Variants in ARHGEF10L observed in about 807,000 individuals in gnomAD.
ARHGEF10L encodes the protein Rho guanine nucleotide exchange factor 10 like.
Under a neutral mutation model 141.2 loss-of-function variants are expected in ARHGEF10L, and 69 were observed. The ratio of observed to expected loss-of-function variants is 0.49; its 90% CI spans 0.40 to 0.60. The LOEUF (loss-of-function observed/expected upper bound fraction) is 0.60, where lower values mean the gene tolerates loss of function less well. Among genes scored for constraint, ARHGEF10L ranks in the 20% least tolerant of loss-of-function variants. ARHGEF10L has a pLI of 0.00. For missense variants in ARHGEF10L, 1,482 were observed against 1,734.3 expected (o/e 0.85, Z 2.58); for synonymous variants, 711 against 718.5 (o/e 0.99, Z 0.17).
chr1:17,559,685 T>C (rs2077472939), intron 1 of ARHGEF10L, among the ~76,000 whole-genome samples: 1 of 152,200 alleles, frequency 6.6e-6, no homozygotes, highest in African/African-American at 2.4e-5. Context: ...CCTGGCCTTT[T>C]CCCTTAGTTG....
intron 26 of ARHGEF10L, among the ~76,000 whole-genome samples, chr1:17,675,838 TCAGGTGTGGGTGCAGGTGTGGGTA>T (rs1257582668): frequency 1.2e-3 from 75 of 62,686 alleles, no homozygotes; most frequent in African/African-American, 4.5e-3. Flanking sequence ...AGGTGTGTGT[TCAGGTGTGGGTGCAGGTGTGGGTA>T]CAGGTGTGGG....
At chr1:17,557,967 C>T (rs942872474) in intron 1 of ARHGEF10L, among the ~76,000 whole-genome samples, 2 of 152,136 alleles carry the variant, frequency 1.3e-5, no homozygotes, top group Non-Finnish European at 2.9e-5. Context: ...GTCCTCTGAC[C>T]ACTACTTACA....
chr1:17,679,650 T>C (rs2063962704), intron 26 of ARHGEF10L, among the ~76,000 whole-genome samples: 1 of 151,988 alleles, frequency 6.6e-6, no homozygotes. Context: ...GGGAAGGGAG[T>C]TGTGCTAATT....
chr1:17,535,991 C>A (rs1321408377), upstream of ARHGEF10L, among the ~76,000 whole-genome samples: 7 of 152,220 alleles, frequency 4.6e-5, no homozygotes, highest in Admixed American at 4.6e-4. Flanking sequence ...CCAGGGAATG[C>A]AGGCTGCAGG....
At chr1:17,568,948 C>T (rs997192412) in intron 1 of ARHGEF10L, among the ~76,000 whole-genome samples, 4 of 152,178 alleles carry the variant, frequency 2.6e-5, no homozygotes, top group Admixed American at 1.3e-4. Context: ...AGCCCCAGTC[C>T]GCATCTTCTC....
intron 26 of ARHGEF10L, among the ~76,000 whole-genome samples, chr1:17,668,599 G>A (rs115548000): frequency 0.011 from 1,711 of 152,332 alleles, 15 homozygotes; most frequent in Non-Finnish European, 0.019. Context: ...TGCACACCTC[G>A]GGGGCATCAG....
At position 17,664,517 on chromosome 1, in the gene ARHGEF10L, G is replaced by A. The variant is rs377464353; in HGVS notation, c.2931G>A (p.Leu977=). 3 of 1,608,428 alleles carry A rather than the reference G, an allele frequency of 1.9e-6. No homozygotes were observed. The highest frequency in any genetic ancestry group is 1.3e-5 in the African/African-American group (1 of 74,886). The change falls in exon 26 of 29, where the codon CTG becomes CTA. Residue 977 remains leucine (L), a synonymous_variant. Coordinates refer to ENST00000361221, the MANE Select transcript of ARHGEF10L (RefSeq NM_018125.4). ...TGGGGCCCGGGCCTGTCCGCACCCTGTTGAGCCTGGAGGATGCCGTGTGGG... is the reference window on the plus strand; with the variant it reads ...TGGGGCCCGGGCCTGTCCGCACCCTATTGAGCCTGGAGGATGCCGTGTGGG... ...LTVGPGPVRT[L]LSLEDAVWAS...
rs897922320 is a variant in ARHGEF10L at position 17,619,403 on chromosome 1, C to T, written c.900C>T (p.Ala300=). Residue 300 remains alanine, a synonymous_variant, in exon 10 of 29, where the codon GCC becomes GCT. Transcript: ENST00000361221. The surrounding 1 kb of genome is among the most constrained non-coding windows in gnomAD (Gnocchi z 5.0). ...GCGTTTCGGACATCAAGCCCCCAGC[C>T]CCAGAGCTGGGCCCCATGCCAGAGG... ...EVSVSDIKPP[A]PELGPMPEGL... The T allele has an allele frequency of 1.2e-6, 2 of 1,612,328 alleles. No individual in the cohort carries two copies. The highest frequency in any genetic ancestry group is 1.7e-6 in the Non-Finnish European group (2 of 1,179,560).
chr1:17,605,142 C>T (rs758757220), intron 6 of ARHGEF10L, among the ~76,000 whole-genome samples: 8 of 152,164 alleles, frequency 5.3e-5, no homozygotes, highest in African/African-American at 9.7e-5. Flanking sequence ...TTATGCCTGC[C>T]GAGGGTCCCA....
chr1:17,626,624 G>C (rs748391631), intron 14 of ARHGEF10L, among the ~76,000 whole-genome samples: 8 of 152,182 alleles, frequency 5.3e-5, no homozygotes, highest in Non-Finnish European at 1.2e-4. Context: ...CAATTGATCA[G>C]TGATTGATCT....
At chr1:17,518,136 G>T in the ARHGEF10L span, among the ~76,000 whole-genome samples, 3 of 152,328 alleles carry the variant, frequency 2.0e-5, no homozygotes, top group African/African-American at 7.2e-5. Context: ...AATGGGTGTG[G>T]CTGTATTTCC....
chr1:17,636,934 C>G (rs1036454334), intron 18 of ARHGEF10L, among the ~76,000 whole-genome samples: 1 of 152,038 alleles, frequency 6.6e-6, no homozygotes, highest in Non-Finnish European at 1.5e-5. Flanking sequence ...CCTCCTGGAC[C>G]CTCCTGCTCT....
At chr1:17,651,331 G>A (rs1224752610) in intron 22 of ARHGEF10L, among the ~76,000 whole-genome samples, 1 of 152,212 alleles carries the variant, frequency 6.6e-6, no homozygotes, top group African/African-American at 2.4e-5. Flanking sequence ...TGCCAGATGG[G>A]GGGTTACCTG....
intron 1 of ARHGEF10L, among the ~76,000 whole-genome samples, chr1:17,542,403 T>A (rs1188024589): frequency 6.6e-6 from 1 of 152,198 alleles, no homozygotes; most frequent in South Asian, 2.1e-4. Context: ...GAGCTGTGAT[T>A]GTGCCACCGT....
intron 4 of ARHGEF10L, among the ~76,000 whole-genome samples, chr1:17,597,457 C>G (rs368968428): frequency 3.3e-5 from 5 of 152,140 alleles, no homozygotes; most frequent in African/African-American, 9.7e-5. Flanking sequence ...GGAGGGGCCC[C>G]CAGCCTCATT....
chr1:17,618,569 G>A, intron 9 of ARHGEF10L: 2 of 1,296,676 alleles, frequency 1.5e-6, no homozygotes, highest in Non-Finnish European at 2.0e-6. Flanking sequence ...CCTTGGGGTT[G>A]CTGCCGCTTC....
rs187704992 is a variant in ARHGEF10L at position 17,619,695 on chromosome 1, T to A, written c.942+250T>A. On this transcript the variant is annotated intron_variant, in intron 10 of 28. Coordinates refer to ENST00000361221, the MANE Select transcript of ARHGEF10L (RefSeq NM_018125.4). This position sits in a 1 kb window ranked among gnomAD's most constrained non-coding sequence, Gnocchi z 5.0. Reference sequence around the variant, plus strand: ...GTGGGCTCCCGGCATCTAGAACGCTTGCGTCCCCCAACTCCATGGCATGCA... The same window carrying A: ...GTGGGCTCCCGGCATCTAGAACGCTAGCGTCCCCCAACTCCATGGCATGCA... 3.9e-5 allele frequency among the ~76,000 whole-genome samples: 6 copies of A among 152,116 alleles called. No homozygotes were observed. The highest frequency in any genetic ancestry group is 7.2e-5 in the African/African-American group (3 of 41,414).
intron 8 of ARHGEF10L, 120 bp downstream of exon 8, chr1:17,613,294 G>A (rs2059642329): frequency 1.3e-6 from 1 of 799,132 alleles, no homozygotes; most frequent in Non-Finnish European, 2.1e-6. Context: ...TTGAGTCCCA[G>A]GGCTGTCCTG....
At chr1:17,571,434 A>G (rs1557721651) in intron 1 of ARHGEF10L, among the ~76,000 whole-genome samples, 2 of 151,702 alleles carry the variant, frequency 1.3e-5, no homozygotes, top group African/African-American at 4.8e-5. Context: ...GAGCATGGGC[A>G]CTCCTCGGGG....
Sources: allele counts gnomAD v4.1 joint callset (sites outside exome capture counted in the v4.1 genomes callset), GRCh38; gene constraint gnomAD v4.1.1; non-coding constraint Gnocchi (gnomAD v3.1); transcripts MANE v1.5; gene names NCBI Gene and HGNC (gene_info 2026-07-23, HGNC 2026-07-21).